Variants in KDM2A observed in about 807,000 individuals in gnomAD.
The protein encoded by KDM2A is lysine-specific demethylase 2A.
In KDM2A, 3 loss-of-function variants were observed where a neutral mutation model predicts 137.3. That is an observed-to-expected ratio of 0.02 (90% confidence interval 0.01 to 0.06). The LOEUF is 0.06. Ranked by LOEUF, KDM2A falls within the 10% of genes least tolerant of loss-of-function variation. The probability of loss-of-function intolerance (pLI) is 1.00; values close to 1 mark genes in which losing one functional copy is unlikely to be tolerated. For synonymous variants in KDM2A, 512 were observed against 541.5 expected (o/e 0.95, Z 0.76); for missense variants, 738 against 1,510.6 (o/e 0.49, Z 8.48).
intron 10 of KDM2A, among the ~76,000 whole-genome samples, chr11:67,221,697 CAG>C (rs1423866711): frequency 6.6e-6 from 1 of 152,126 alleles, no homozygotes; most frequent in African/African-American, 2.4e-5. Context: ...AGTTCAGGCA[CAG>C]GGGCTCATAC....
At position 67,257,688 on chromosome 11, in the gene KDM2A, T is replaced by G. The variant is rs1196147860; in HGVS notation, c.*2633T>G. On this transcript the variant is annotated 3_prime_UTR_variant, in exon 21 of 21. Coordinates refer to ENST00000529006, the MANE Select transcript of KDM2A (RefSeq NM_012308.3). ...TTATGTTTAAAGGGTTTGGTTGTGT[T>G]TTTTGTTTTTCGGAGAAATATTGTA... is the stretch of plus-strand genomic sequence containing the variant. 2.0e-5 allele frequency: 3 copies of G among 152,244 alleles called. No individual in the cohort carries two copies. The highest frequency in any genetic ancestry group is 4.4e-5 in the Non-Finnish European group (3 of 68,034). The allele number at this position is 152,244 out of a possible 1,614,324, so 9.4% of individuals were successfully genotyped here.
intron 2 of KDM2A, among the ~76,000 whole-genome samples, chr11:67,125,706 G>A (rs951180843): frequency 2.2e-4 from 33 of 151,224 alleles, no homozygotes; most frequent in African/African-American, 7.5e-4. Context: ...TTGAACCTGG[G>A]AGGTGGAGGT....
At chr11:67,242,954 T>A in intron 12 of KDM2A, 55 bp from the exon 13 acceptor site, 1 of 1,391,246 alleles carries the variant, frequency 7.2e-7, no homozygotes, top group African/African-American at 1.4e-5. Context: ...TTCAGGGTGG[T>A]TGGCTCTTTG....
At chr11:67,207,420 AT>A in intron 5 of KDM2A, 89 bp from the exon 6 acceptor site, 1 of 1,016,920 alleles carries the variant, frequency 9.8e-7, no homozygotes, top group Non-Finnish European at 1.4e-6. Flanking sequence ...AAAGGACAGT[AT>A]TTTTTCTTCT....
In KDM2A at chr11:67,250,664, G is replaced by A; in HGVS notation, c.2634G>A (p.Leu878=). The A allele has an allele frequency of 1.2e-6, 2 of 1,607,102 alleles. No individual in the cohort carries two copies. Among genetic ancestry groups the A allele is most frequent in the South Asian group, 1.1e-5 (1 of 90,148 alleles). Residue 878 remains leucine (L), a synonymous_variant, in exon 17 of 21, where the codon CTG becomes CTA. Coordinates refer to ENST00000529006, the MANE Select transcript of KDM2A (RefSeq NM_012308.3). The surrounding 1 kb of genome is among the most constrained non-coding windows in gnomAD (Gnocchi z 7.1). The part of the protein sequence containing the change: ...DSAEEGGAAR[L]NGRGSWAQDG... ...CAGAGGAGGGGGGTGCAGCCAGGCTGAATGGCCGGGGCAGTTGGGCTCAGG... is the reference window on the plus strand; with the variant it reads ...CAGAGGAGGGGGGTGCAGCCAGGCTAAATGGCCGGGGCAGTTGGGCTCAGG...
chr11:67,218,551 G>C (rs903462324), intron 9 of KDM2A, among the ~76,000 whole-genome samples: 1 of 150,150 alleles, frequency 6.7e-6, no homozygotes, highest in Non-Finnish European at 1.5e-5. Flanking sequence ...TTTTTTTTTT[G>C]CAATTATTTA....
chr11:67,189,415 A>G (rs1857289660), intron 5 of KDM2A, among the ~76,000 whole-genome samples: 1 of 152,246 alleles, frequency 6.6e-6, no homozygotes, highest in African/African-American at 2.4e-5. Context: ...TTGTAGCTAT[A>G]AATGCTTTGA....
In KDM2A at chr11:67,139,449, T is replaced by C. The variant is rs1028998197; in HGVS notation, c.42+18091T>C. ...TGGTAGAGATGGGTTTTCTCCGTGT[T>C]GGCCAGGCTGGTCTTGAACTCCTGA... On this transcript the variant is annotated intron_variant, in intron 2 of 20. Transcript: ENST00000529006. Among the ~76,000 whole-genome samples the C allele has an allele frequency of 9.2e-5, 14 of 152,218 alleles. No homozygotes were observed. The South Asian group carries it at 2.7e-3, about 29-fold the overall frequency.
chr11:67,250,128 A>G lies in KDM2A; in HGVS notation c.2098A>G (p.Lys700Glu). The change falls in exon 17 of 21, where the codon AAA becomes GAA. Residue 700 changes from lysine (K) to glutamate (E), a missense_variant. Lys to Glu is a moderately conservative substitution (Grantham distance 56). Transcript: ENST00000529006. The surrounding 1 kb of genome is among the most constrained non-coding windows in gnomAD (Gnocchi z 7.1). ...EESDEEAVQA[K>E]VLRPLRSCDE... ...GAGTGACGAAGAAGCTGTGCAAGCCAAAGTCCTGCGGCCCCTGCGGAGCTG... is the reference window on the plus strand; with the variant it reads ...GAGTGACGAAGAAGCTGTGCAAGCCGAAGTCCTGCGGCCCCTGCGGAGCTG... 6.2e-7 allele frequency: 1 copy of G among 1,607,980 alleles called. No homozygotes were observed. Among genetic ancestry groups the G allele is most frequent in the Non-Finnish European group, 8.5e-7 (1 of 1,177,260 alleles).
intron 7 of KDM2A, 97 bp from the exon 8 acceptor site, chr11:67,215,759 G>T (rs1473951055): frequency 4.8e-6 from 4 of 836,990 alleles, no homozygotes; most frequent in African/African-American, 1.7e-5. Context: ...TTAAGTGGAA[G>T]ATAAAGGGAG....
intron 2 of KDM2A, among the ~76,000 whole-genome samples, chr11:67,158,304 A>G (rs1856565947): frequency 6.6e-6 from 1 of 152,162 alleles, no homozygotes; most frequent in Admixed American, 6.6e-5. Context: ...TGGATGTTTC[A>G]TAGTTCATTT....
chr11:67,125,150 C>T (rs12286106), intron 2 of KDM2A, among the ~76,000 whole-genome samples: 13,114 of 151,196 alleles, frequency 0.087, 1,913 homozygotes, highest in African/African-American at 0.3. Context: ...CTTGAGCCAC[C>T]GCACCCAGCC....
intron 2 of KDM2A, among the ~76,000 whole-genome samples, chr11:67,128,597 A>G (rs1855783761): frequency 6.6e-6 from 1 of 152,154 alleles, no homozygotes; most frequent in Admixed American, 6.6e-5. Flanking sequence ...AGATAATGAC[A>G]ACTAATTTTT....
chr11:67,208,616 C>G (rs898705184), intron 6 of KDM2A, among the ~76,000 whole-genome samples: 1 of 151,768 alleles, frequency 6.6e-6, no homozygotes, highest in Non-Finnish European at 1.5e-5. Context: ...ACTAAAAATA[C>G]AAAAATTAGC....
chr11:67,139,487 C>T (rs543838576), intron 2 of KDM2A, among the ~76,000 whole-genome samples: 7 of 152,172 alleles, frequency 4.6e-5, no homozygotes, highest in African/African-American at 1.4e-4. Flanking sequence ...TCTGGTGATT[C>T]GCCCACCTCG....
At position 67,250,337 on chromosome 11, in the gene KDM2A, G is replaced by A. The variant is rs759083799; in HGVS notation, c.2307G>A (p.Glu769=). The part of the protein sequence containing the change: ...RRQLLRLQAT[E]RTMVREKENN... ...AGTTGCTGCGGCTGCAGGCCACAGA[G>A]CGCACCATGGTACGGGAAAAGGAGA... Residue 769 remains glutamate, a synonymous_variant, in exon 17 of 21, where the codon GAG becomes GAA. Transcript: ENST00000529006. This position sits in a 1 kb window ranked among gnomAD's most constrained non-coding sequence, Gnocchi z 7.1. 1 of 1,613,982 alleles carries A rather than the reference G, an allele frequency of 6.2e-7. No individual in the cohort carries two copies. Among genetic ancestry groups the A allele is most frequent in the Non-Finnish European group, 8.5e-7 (1 of 1,179,892 alleles).
intron 5 of KDM2A, among the ~76,000 whole-genome samples, chr11:67,192,796 C>T (rs867307027): frequency 6.6e-6 from 1 of 151,826 alleles, no homozygotes; most frequent in South Asian, 2.1e-4. Flanking sequence ...TAAATTTCTT[C>T]TTGGGTACAC....
At chr11:67,174,472 A>G (rs1856939219) in intron 2 of KDM2A, among the ~76,000 whole-genome samples, 1 of 152,164 alleles carries the variant, frequency 6.6e-6, no homozygotes, top group Non-Finnish European at 1.5e-5. Context: ...GCAGCTTTAG[A>G]AAAGAATGTC....
At chr11:67,140,708 G>A (rs1354925708) in intron 2 of KDM2A, among the ~76,000 whole-genome samples, 1 of 151,920 alleles carries the variant, frequency 6.6e-6, no homozygotes, top group Non-Finnish European at 1.5e-5. Flanking sequence ...AGCCAAGATT[G>A]TGCCATTGCA....
Sources: allele counts gnomAD v4.1 joint callset (sites outside exome capture counted in the v4.1 genomes callset), GRCh38; gene constraint gnomAD v4.1.1; non-coding constraint Gnocchi (gnomAD v3.1); transcripts MANE v1.5; gene names NCBI Gene and HGNC (gene_info 2026-07-23, HGNC 2026-07-21).